Variants in JAK3 observed in about 807,000 individuals in gnomAD.
The protein encoded by JAK3 is tyrosine-protein kinase JAK3.
In JAK3, 88 loss-of-function variants were observed where a neutral mutation model predicts 120.8. The observed-to-expected ratio is 0.73, with a 90% confidence interval of 0.61 to 0.87. The LOEUF (loss-of-function observed/expected upper bound fraction) is 0.87, where lower values mean the gene tolerates loss of function less well. Among genes scored for constraint, JAK3 ranks in the 40% least tolerant of loss-of-function variants. JAK3 has a pLI of 0.00. For missense variants in JAK3, 1,254 were observed against 1,501.4 expected (o/e 0.84, Z 2.72); for synonymous variants, 592 against 628.6 (o/e 0.94, Z 0.87).
At chr19:17,834,472 A>G in intron 17 of JAK3, 99 bp downstream of exon 17, 1 of 1,394,594 alleles carries the variant, frequency 7.2e-7, no homozygotes, top group Non-Finnish European at 1.0e-6. Flanking sequence ...CTCCAACCTC[A>G]CCAGACACAC....
Position 17,842,918 on chromosome 19 carries a change from C to T in JAK3, c.566+109G>A. ...GGGAGGCCCTGGGTCATAGGAACAC[C>T]CTGAAAGCTTGCAGGAGAACTCCAT... On this transcript the variant is annotated intron_variant, in intron 5 of 23. Transcript: ENST00000458235. This position sits in a 1 kb window ranked among gnomAD's most constrained non-coding sequence, Gnocchi z 6.4. The T allele has an allele frequency of 6.7e-7, 1 of 1,488,126 alleles. No individual in the cohort carries two copies. The highest frequency in any genetic ancestry group is 1.1e-5 in the South Asian group (1 of 87,532). The allele number at this position is 1,488,126 out of a possible 1,614,324, so 92.2% of individuals were successfully genotyped here.
In JAK3 at chr19:17,832,867, C is replaced by T. The variant is rs1568402015; in HGVS notation, c.2413G>A (p.Gly805Ser). The T allele has an allele frequency of 6.2e-7, 1 of 1,614,230 alleles. No individual in the cohort carries two copies. The highest frequency in any genetic ancestry group is 8.5e-7 in the Non-Finnish European group (1 of 1,180,036). ...ALAPRDGLWNGAQLYACQDPT... is the reference protein window; with the variant it reads ...ALAPRDGLWNSAQLYACQDPT... ...TCTTGGCAGGCATAGAGCTGGGCAC[C>T]ATTCCACAGCCCATCACGAGGTGCC... is the stretch of plus-strand genomic sequence containing the variant. Residue 805 changes from glycine (G) to serine (S), a missense_variant, in exon 18 of 24, where the codon GGT becomes AGT. Gly to Ser is a moderately conservative substitution (Grantham distance 56). Transcript: ENST00000458235. The surrounding 1 kb of genome is among the most constrained non-coding windows in gnomAD (Gnocchi z 4.7).
In JAK3 at chr19:17,841,342, G is replaced by A; in HGVS notation, c.1142+47C>T. 6.6e-7 allele frequency: 1 copy of A among 1,526,328 alleles called. No individual in the cohort carries two copies. The allele number at this position is 1,526,328 out of a possible 1,614,324, so 94.5% of individuals were successfully genotyped here. A position where few individuals can be genotyped will look rare whatever the true frequency, so the allele number is the denominator to read the frequency against. ...GACACTGAGGCATAGAGAAGGGGAGGGGCCCTGAGTGGCCACAGAGGCCGG... is the reference window on the plus strand; with the variant it reads ...GACACTGAGGCATAGAGAAGGGGAGAGGCCCTGAGTGGCCACAGAGGCCGG... On this transcript the variant is annotated intron_variant, in intron 8 of 23. Transcript: ENST00000458235. This position sits in a 1 kb window ranked among gnomAD's most constrained non-coding sequence, Gnocchi z 4.1.
intron 14 of JAK3, 23 bp downstream of exon 14, chr19:17,835,901 G>A (rs1408249664): frequency 6.2e-7 from 1 of 1,613,248 alleles, no homozygotes. Context: ...AATGGAGGGT[G>A]GAGCAGGCAG....
At chr19:17,847,796 G>T in intron 1 of JAK3, 150 bp downstream of exon 1, 1 of 215,942 alleles carries the variant, frequency 4.6e-6, no homozygotes, top group Non-Finnish European at 8.5e-6. Context: ...TGCGAGTCTC[G>T]GCTCACGTCT....
At position 17,843,109 on chromosome 19, in the gene JAK3, A is replaced by G; in HGVS notation, c.484T>C (p.Cys162Arg). ...VGLSLKEQGECLSLAVLDLAR... is the reference protein window; with the variant it reads ...VGLSLKEQGERLSLAVLDLAR... ...AGGTCCAACACGGCCAGGCTGAGAC[A>G]CTCACCCTGCTCCTTGAGACTGAGG... Residue 162 changes from cysteine (C) to arginine (R), a missense_variant, in exon 5 of 24, where the codon TGT becomes CGT. By Grantham distance (180) the Cys-to-Arg change is radical. Around this residue, in one of 3 missense-constraint regions of JAK3, gnomAD observed 486 missense variants for 503.0 expected, o/e 0.97. Coordinates refer to ENST00000458235, the MANE Select transcript of JAK3 (RefSeq NM_000215.4). This position sits in a 1 kb window ranked among gnomAD's most constrained non-coding sequence, Gnocchi z 5.4. 1.2e-6 allele frequency: 2 copies of G among 1,610,024 alleles called. No individual in the cohort carries two copies. Among genetic ancestry groups the G allele is most frequent in the Non-Finnish European group, 1.7e-6 (2 of 1,179,888 alleles).
intron 1 of JAK3, among the ~76,000 whole-genome samples, chr19:17,847,203 C>T (rs944299664): frequency 6.6e-6 from 1 of 152,010 alleles, no homozygotes; most frequent in African/African-American, 2.4e-5. Context: ...CAGCCCCAGT[C>T]GAGTTTAAAA....
At position 17,843,944 on chromosome 19, in the gene JAK3, C is replaced by T; in HGVS notation, c.185-44G>A. On this transcript the variant is annotated intron_variant, in intron 2 of 23. Transcript: ENST00000458235. The surrounding 1 kb of genome is among the most constrained non-coding windows in gnomAD (Gnocchi z 5.4). The stretch of plus-strand genomic sequence containing the variant: ...TCAGCTCCCTCCTGAGTCACCCCAT[C>T]TGTGCCCTTCAGGAGTGCCAGCATC... 6.2e-7 allele frequency: 1 copy of T among 1,610,826 alleles called. No individual in the cohort carries two copies. Among genetic ancestry groups the T allele is most frequent in the Non-Finnish European group, 8.5e-7 (1 of 1,178,550 alleles).
chr19:17,844,189 A>G (rs756122920), intron 2 of JAK3, 45 bp downstream of exon 2: 1 of 1,530,532 alleles, frequency 6.5e-7, no homozygotes, highest in South Asian at 1.2e-5. Flanking sequence ...GGCCCCACAC[A>G]GCCCCATCCT....
At position 17,835,098 on chromosome 19, in the gene JAK3, C is replaced by T; in HGVS notation, c.2032G>A (p.Val678Met). ...AGGAACTTACTCTCCAGGCTTAACA[C>T]AGCGGGGCTGACCCCAGGGTCACTC... ...KLSDPGVSPA[V>M]LSLEMLTDRI... Residue 678 changes from valine (V) to methionine (M), a missense_variant, in exon 15 of 24, where the codon GTG becomes ATG. Val to Met is a conservative substitution (Grantham distance 21, BLOSUM62 1). Transcript: ENST00000458235. 1.2e-6 allele frequency: 2 copies of T among 1,614,232 alleles called. No individual in the cohort carries two copies. Among genetic ancestry groups the T allele is most frequent in the East Asian group, 2.2e-5 (1 of 44,874 alleles).
intron 1 of JAK3, 121 bp downstream of exon 1, chr19:17,847,825 G>C (rs2094255896): frequency 3.2e-6 from 1 of 311,928 alleles, no homozygotes; most frequent in Non-Finnish European, 4.9e-6. Flanking sequence ...GCTTTCCTCC[G>C]AGGCCTGGAA....
chr19:17,842,321 G>A lies in JAK3; in HGVS notation c.856C>T (p.Gln286Ter). 6.3e-7 allele frequency: 1 copy of A among 1,582,980 alleles called. No individual in the cohort carries two copies. Among genetic ancestry groups the A allele is most frequent in the Non-Finnish European group, 8.5e-7 (1 of 1,170,658 alleles). ...GCGGGGGAGTCCGCCCTCACCTCCT[G>A]TTCTCCCTGGGTCCAGGCGATGCCG... ...DGGIAWTQGE[Q>*]EVLQPFCDFP... Residue 286 changes from glutamine to a stop codon, truncating the protein, a stop_gained, in exon 6 of 24, where the codon CAG becomes TAG. Transcript: ENST00000458235. LOFTEE classifies it high-confidence loss of function. The surrounding 1 kb of genome is among the most constrained non-coding windows in gnomAD (Gnocchi z 6.4).
chr19:17,827,796 G>A (rs753602459), intron 23 of JAK3, among the ~76,000 whole-genome samples: 1 of 145,676 alleles, frequency 6.9e-6, no homozygotes, highest in South Asian at 2.2e-4. Context: ...CAGCTACTCG[G>A]GAGTCTAAGG....
rs915097724 is a variant in JAK3 at position 17,841,822 on chromosome 19, A to C, written c.862-60T>G. 8 of 1,593,384 alleles carry C rather than the reference A, an allele frequency of 5.0e-6. No homozygotes were observed. In the African/African-American group the frequency reaches 9.4e-5, roughly 19 times the overall value. ...AGCTGGACCCCGCCAAACCACGCCCATGAACCCACCCCCAAGCCACACCAT... is the reference window on the plus strand; with the variant it reads ...AGCTGGACCCCGCCAAACCACGCCCCTGAACCCACCCCCAAGCCACACCAT... On this transcript the variant is annotated intron_variant, in intron 6 of 23. Transcript: ENST00000458235. This position sits in a 1 kb window ranked among gnomAD's most constrained non-coding sequence, Gnocchi z 4.1.
intron 12 of JAK3, among the ~76,000 whole-genome samples, chr19:17,837,489 C>T (rs1322849715): frequency 6.6e-6 from 1 of 152,216 alleles, no homozygotes; most frequent in Non-Finnish European, 1.5e-5. Flanking sequence ...GATCTTGACT[C>T]ACTGCAACCT....
Position 17,842,288 on chromosome 19 carries a change from C to T in JAK3, c.861+28G>A. On this transcript the variant is annotated intron_variant, in intron 6 of 23. Transcript: ENST00000458235. The surrounding 1 kb of genome is among the most constrained non-coding windows in gnomAD (Gnocchi z 6.4). ...CCCCGAGCCCCGCCCCCACGTTGGC[C>T]CCGCCCAGCGGGGGAGTCCGCCCTC... 6.5e-7 allele frequency: 1 copy of T among 1,526,890 alleles called. No homozygotes were observed. The highest frequency in any genetic ancestry group is 1.2e-5 in the South Asian group (1 of 80,128). The allele number at this position is 1,526,890 out of a possible 1,614,324, so 94.6% of individuals were successfully genotyped here.
Position 17,838,254 on chromosome 19 carries a change from G to T in JAK3, c.1569+9C>A, listed in dbSNP as rs1370161003. The stretch of plus-strand genomic sequence containing the variant: ...CTGAGGTATCGCCTCATTTCCCAGG[G>T]CCTCTTACCCACTCCAGGCTGTCAG... On this transcript the variant is annotated intron_variant, in intron 11 of 23. Transcript: ENST00000458235. 1.2e-6 allele frequency: 2 copies of T among 1,614,004 alleles called. No individual in the cohort carries two copies. Among genetic ancestry groups the T allele is most frequent in the Non-Finnish European group, 1.7e-6 (2 of 1,180,030 alleles).
chr19:17,844,919 G>T (rs564700654), intron 1 of JAK3, among the ~76,000 whole-genome samples: 52 of 152,104 alleles, frequency 3.4e-4, no homozygotes, highest in African/African-American at 9.2e-4. Flanking sequence ...TCGCTCACTT[G>T]CCCTGAGAAA....
chr19:17,839,746 T>C (rs1008837449), intron 9 of JAK3, 83 bp from the exon 10 acceptor site: 77 of 1,273,308 alleles, frequency 6.0e-5, no homozygotes, highest in African/African-American at 7.7e-5. Context: ...TTCTTTTTTT[T>C]TTTTTTTTTT....
Sources: gnomAD v4.1 joint callset for allele counts (sites outside exome capture counted in the v4.1 genomes callset) on GRCh38, gnomAD v4.1.1 for gene constraint, gnomAD v4.1.1 regional missense constraint, Gnocchi (gnomAD v3.1) non-coding constraint, MANE v1.5 for transcripts, NCBI Gene and HGNC (gene_info 2026-07-23, HGNC 2026-07-21) for gene names.